The following SLC60A1 variants were observed in gnomAD, a reference collection of about 807,000 sequenced individuals.
SLC60A1 encodes solute carrier family 60 member 1.
chr1:205,602,295 C>A, the SLC60A1 span: 1 of 152,774 alleles, frequency 6.5e-6, no homozygotes, highest in African/African-American at 2.4e-5. Context: ...GCTGTGACCA[C>A]CAGCAGCACA....
chr1:205,597,813 G>C, the SLC60A1 span: 1 of 1,614,064 alleles, frequency 6.2e-7, no homozygotes, highest in Non-Finnish European at 8.5e-7. Context: ...ACAGGGGCAG[G>C]AGTTGGCGAG....
chr1:205,580,029 C>A, the SLC60A1 span: 1 of 1,450,284 alleles, frequency 6.9e-7, no homozygotes, highest in Admixed American at 2.2e-5. The surrounding 1 kb of genome is among the most constrained non-coding windows in gnomAD (Gnocchi z 5.0). Context: ...CTCTCCCAGC[C>A]TCCTCCCCCA....
At chr1:205,599,236 C>G in the SLC60A1 span, 1 of 1,614,092 alleles carries the variant, frequency 6.2e-7, no homozygotes. Context: ...CAGGATGCAC[C>G]CTGGACTCCC....
chr1:205,581,876 G>A, the SLC60A1 span, among the ~76,000 whole-genome samples: 2 of 152,200 alleles, frequency 1.3e-5, no homozygotes, highest in East Asian at 3.9e-4. This position sits in a 1 kb window ranked among gnomAD's most constrained non-coding sequence, Gnocchi z 4.2. Context: ...CCATTCCAGT[G>A]AGCAGCAGGG....
At chr1:205,589,466 G>A in the SLC60A1 span, among the ~76,000 whole-genome samples, 1 of 152,190 alleles carries the variant, frequency 6.6e-6, no homozygotes, top group East Asian at 1.9e-4. Flanking sequence ...TAGGTTTTAA[G>A]CAGGTCTGCG....
the SLC60A1 span, chr1:205,598,971 C>T: frequency 2.1e-6 from 2 of 965,732 alleles, no homozygotes; most frequent in Non-Finnish European, 3.1e-6. Context: ...CAACTTGAAA[C>T]AAGGCCAAGG....
chr1:205,600,070 C>A, the SLC60A1 span: 1 of 215,724 alleles, frequency 4.6e-6, no homozygotes, highest in Non-Finnish European at 9.2e-6. Flanking sequence ...TAACTATAGC[C>A]TCACTTCTGA....
chr1:205,574,795 C>T, the SLC60A1 span, among the ~76,000 whole-genome samples: 2 of 152,190 alleles, frequency 1.3e-5, no homozygotes, highest in Non-Finnish European at 2.9e-5. Context: ...GCTCAACCAA[C>T]ATCTAAGGAG....
At chr1:205,598,363 AAC>A in the SLC60A1 span, 7 of 154,116 alleles carry the variant, frequency 4.5e-5, no homozygotes, top group African/African-American at 1.7e-4. Flanking sequence ...AAAACAACCT[AAC>A]ATCTACTTTT....
At chr1:205,585,170 C>T in the SLC60A1 span, among the ~76,000 whole-genome samples, 13 of 152,310 alleles carry the variant, frequency 8.5e-5, no homozygotes, top group South Asian at 2.7e-3. This position sits in a 1 kb window ranked among gnomAD's most constrained non-coding sequence, Gnocchi z 4.2. Context: ...TCAGTCACAG[C>T]ACGTTGGTAC....
the SLC60A1 span, chr1:205,602,667 T>A: frequency 6.6e-6 from 1 of 152,400 alleles, no homozygotes; most frequent in Non-Finnish European, 1.5e-5. Flanking sequence ...TTAATTATAT[T>A]TGTAAATACT....
At chr1:205,590,809 T>C in the SLC60A1 span, among the ~76,000 whole-genome samples, 1 of 152,334 alleles carries the variant, frequency 6.6e-6, no homozygotes, top group East Asian at 1.9e-4. Context: ...AGAAGATCCT[T>C]ATCTCCTGAG....
the SLC60A1 span, chr1:205,598,125 C>T: frequency 8.4e-6 from 3 of 358,070 alleles, no homozygotes; most frequent in South Asian, 2.8e-5. Context: ...AGAGGGGGCC[C>T]GTGGGAATGC....
At chr1:205,596,646 G>A in the SLC60A1 span, among the ~76,000 whole-genome samples, 3 of 149,746 alleles carry the variant, frequency 2.0e-5, no homozygotes, top group African/African-American at 7.3e-5. Flanking sequence ...GATGTGTGCT[G>A]AAGCCTGGAG....
the SLC60A1 span, among the ~76,000 whole-genome samples, chr1:205,597,373 G>GTTTTTTTTTGTTTTT: frequency 2.7e-5 from 1 of 37,228 alleles, no homozygotes; most frequent in Non-Finnish European, 7.0e-5. Context: ...AACCTAGGTT[G>GTTTTTTTTTGTTTTT]TTTTTTTTTT....
the SLC60A1 span, chr1:205,599,018 C>T: frequency 2.1e-5 from 29 of 1,357,664 alleles, no homozygotes; most frequent in Admixed American, 2.0e-4. Flanking sequence ...CTTGGTGTGA[C>T]GGGCCTCAAC....
chr1:205,584,258 G>A, the SLC60A1 span: 9 of 1,035,820 alleles, frequency 8.7e-6, no homozygotes, highest in Admixed American at 3.3e-5. Flanking sequence ...TTTCACTCTC[G>A]TCGCCCAGGC....
the SLC60A1 span, chr1:205,591,986 C>T: frequency 1.9e-6 from 2 of 1,035,060 alleles, no homozygotes; most frequent in Non-Finnish European, 2.8e-6. Flanking sequence ...CTGCGGTTCC[C>T]GCCTGGTCCA....
At chr1:205,599,240 G>A in the SLC60A1 span, 7 of 1,613,892 alleles carry the variant, frequency 4.3e-6, no homozygotes, top group Admixed American at 5.0e-5. Context: ...ATGCACCCTG[G>A]ACTCCCATCA....
Sources: gnomAD v4.1 joint callset for allele counts (sites outside exome capture counted in the v4.1 genomes callset) on GRCh38, gnomAD v4.1.1 for gene constraint, Gnocchi (gnomAD v3.1) non-coding constraint, MANE v1.5 for transcripts, NCBI Gene and HGNC (gene_info 2026-07-23, HGNC 2026-07-21) for gene names.